SCRIB: variants seen among roughly 807,000 people sequenced by gnomAD.
SCRIB encodes scribble planar cell polarity protein.
A neutral mutation model predicts 170.0 loss-of-function variants in SCRIB; 72 were observed. The observed-to-expected ratio is 0.42, with a 90% confidence interval of 0.35 to 0.52. SCRIB has a LOEUF of 0.52. Among genes scored for constraint, SCRIB ranks in the 20% least tolerant of loss-of-function variants. The pLI is 0.02. For synonymous variants in SCRIB, 1,298 were observed against 1,044.3 expected (o/e 1.24, Z -4.68); for missense variants, 2,475 against 2,338.5 (o/e 1.06, Z -1.20).
chr8:143,797,438 C>T (rs1177915750), intron 24 of SCRIB, among the ~76,000 whole-genome samples: 5 of 152,150 alleles, frequency 3.3e-5, no homozygotes, highest in East Asian at 1.9e-4. Flanking sequence ...CCAACCACCT[C>T]GGGGCCCGCT....
At position 143,807,535 on chromosome 8, in the gene SCRIB, G is replaced by C. The variant is rs1273915839; in HGVS notation, c.2178+17C>G. 2.5e-6 allele frequency: 4 copies of C among 1,609,288 alleles called. No individual in the cohort carries two copies. The highest frequency in any genetic ancestry group is 1.1e-5 in the South Asian group (1 of 90,984). ...CCAGCAGCGGCCCGGCCAGAGTGCA[G>C]AGCGAGCAGTACAGACCTCTTCCTC... On this transcript the variant is annotated intron_variant, in intron 16 of 36. Transcript: ENST00000356994.
chr8:143,815,269 C>T lies in SCRIB; in HGVS notation c.104G>A (p.Ser35Asn), dbSNP rs550203905. The T allele has an allele frequency of 7.5e-6, 12 of 1,597,312 alleles. No individual in the cohort carries two copies. The highest frequency in any genetic ancestry group is 1.7e-4 in the Middle Eastern group (1 of 5,956). Residue 35 changes from serine (S) to asparagine (N), a missense_variant, in exon 1 of 37, where the codon AGC (serine) becomes AAC (asparagine). Around this residue, in one of 3 missense-constraint regions of SCRIB, gnomAD observed 487 missense variants for 558.1 expected, o/e 0.87. Transcript: ENST00000356994. ...QAVPEEIYRYSRSLEELLLDA... is the reference protein window; with the variant it reads ...QAVPEEIYRYNRSLEELLLDA... ...GAGCAGCAGCTCCTCCAGGCTGCGG[C>T]TGTAGCGGTAGATCTCCTCCGGCAC...
chr8:143,811,764 C>A (rs1213672992), intron 9 of SCRIB, among the ~76,000 whole-genome samples: 1 of 152,126 alleles, frequency 6.6e-6, no homozygotes, highest in Non-Finnish European at 1.5e-5. Flanking sequence ...CCCAGAGTCC[C>A]TTTCTCCATC....
chr8:143,812,938 C>A lies in SCRIB; in HGVS notation c.666G>T (p.Leu222=), dbSNP rs948189315. 10 of 1,612,712 alleles carry A rather than the reference C, an allele frequency of 6.2e-6. No individual in the cohort carries two copies. The highest frequency in any genetic ancestry group is 1.3e-5 in the African/African-American group (1 of 74,946). Residue 222 remains leucine (L), a synonymous_variant, in exon 8 of 37, where the codon CTG becomes CTT. Transcript: ENST00000356994. The stretch of plus-strand genomic sequence containing the variant: ...GGTTTTCCGACACGTCCAGGCACAC[C>A]AGGCGCCGCAGGTTCCCGAGCTCCT... ...LPPELGNLRR[L]VCLDVSENRL... is the part of the protein sequence containing the mutation.
rs1554635371 is a variant in SCRIB at position 143,803,386 on chromosome 8, C to T, written c.3600G>A (p.Leu1200=). ...TCCCCGGGGCGGGATCGCTAACCTC[C>T]AGGGCTGCGTCGGTGCTGGCCTCAA... ...DGFEASTDAA[L]EVSPGVIANP... is the part of the protein sequence containing the mutation. Residue 1200 remains leucine (L), a synonymous_variant, in exon 24 of 37, where the codon CTG becomes CTA. Coordinates refer to ENST00000356994, the MANE Select transcript of SCRIB (RefSeq NM_182706.5). 8 of 1,572,466 alleles carry T rather than the reference C, an allele frequency of 5.1e-6. No homozygotes were observed. The East Asian group carries it at 6.9e-5, about 14-fold the overall frequency.
chr8:143,791,606 T>C, intron 35 of SCRIB, 60 bp downstream of exon 35: 3 of 1,515,616 alleles, frequency 2.0e-6, no homozygotes, highest in East Asian at 2.3e-5. Context: ...CGGGAGCGGA[T>C]GGGGGCGGTG....
chr8:143,806,816 C>A, intron 17 of SCRIB, 108 bp downstream of exon 17: 3 of 836,110 alleles, frequency 3.6e-6, no homozygotes, highest in Non-Finnish European at 3.7e-6. Context: ...CAGCCCGTGT[C>A]CCCAGAGCGT....
At chr8:143,812,765 T>A in intron 8 of SCRIB, 52 bp downstream of exon 8, 3 of 1,581,370 alleles carry the variant, frequency 1.9e-6, no homozygotes, top group Non-Finnish European at 2.6e-6. Context: ...CCCACGCTCC[T>A]CCCAGGGCCA....
intron 24 of SCRIB, among the ~76,000 whole-genome samples, chr8:143,797,673 A>G (rs1587514399): frequency 6.6e-6 from 1 of 152,234 alleles, no homozygotes; most frequent in East Asian, 1.9e-4. Context: ...CACACGCTGA[A>G]GCCTGTGAGG....
rs782167781 is a variant in SCRIB, at chr8:143,804,058, C to T, written c.3108G>A (p.Val1036=). The part of the protein sequence containing the change: ...SHPFGVQEPG[V]FISKVLPRGL... ...TGGGCCGCCCTACCTTGGAGATGAA[C>T]ACACCAGGCTCCTGGACACCAAACG... Residue 1036 remains valine, a synonymous_variant, in exon 22 of 37, where the codon GTG becomes GTA. Coordinates refer to ENST00000356994, the MANE Select transcript of SCRIB (RefSeq NM_182706.5). 3.0e-5 allele frequency: 48 copies of T among 1,609,258 alleles called. No homozygotes were observed. In the East Asian group the frequency reaches 1.1e-3, roughly 35 times the overall value.
chr8:143,803,780 G>T lies in SCRIB; in HGVS notation c.3281C>A (p.Ala1094Glu). 6.2e-7 allele frequency: 1 copy of T among 1,602,394 alleles called. No individual in the cohort carries two copies. The stretch of plus-strand genomic sequence containing the variant: ...GCACAGTTCCCGTAGGCCCGGGGGT[G>T]CCGGGTCCCTCCGCACCAGCAGCGA... ...ELSLLVRRDP[A>E]PPGLRELCIQ... is the part of the protein sequence containing the mutation. The change falls in exon 23 of 37, where the codon GCA becomes GAA. Residue 1094 changes from alanine to glutamate, a missense_variant. Ala to Glu is a moderately radical substitution (Grantham distance 107, BLOSUM62 -1). Coordinates refer to ENST00000356994, the MANE Select transcript of SCRIB (RefSeq NM_182706.5).
chr8:143,792,299 G>A lies in SCRIB; in HGVS notation c.4435C>T (p.Pro1479Ser). 1 of 1,560,018 alleles carries A rather than the reference G, an allele frequency of 6.4e-7. No individual in the cohort carries two copies. The change falls in exon 32 of 37, where the codon CCG (proline) becomes TCG (serine). Residue 1479 changes from proline (P) to serine (S), a missense_variant. Coordinates refer to ENST00000356994, the MANE Select transcript of SCRIB (RefSeq NM_182706.5). ...GGGGACAGGGCACGCTCGGGTGCCG[G>A]TGGCTCCGGACTCTGCACGCGCAGC... is the stretch of plus-strand genomic sequence containing the variant. ...ERLRVQSPEP[P>S]APERALSPAE...
intron 24 of SCRIB, among the ~76,000 whole-genome samples, chr8:143,796,009 C>T (rs1458572362): frequency 3.3e-5 from 5 of 152,076 alleles, no homozygotes; most frequent in Admixed American, 2.0e-4. Context: ...GAGGCCCGGC[C>T]AGCTCTGCAC....
At chr8:143,814,552 G>A (rs1296318847) in intron 1 of SCRIB, among the ~76,000 whole-genome samples, 3 of 152,250 alleles carry the variant, frequency 2.0e-5, no homozygotes, top group East Asian at 1.9e-4. Context: ...AGTACCACAG[G>A]CACAGTGCTA....
chr8:143,812,986 C>A (rs950101456), intron 7 of SCRIB, 25 bp from the exon 8 acceptor site: 6 of 1,611,820 alleles, frequency 3.7e-6, no homozygotes, highest in East Asian at 2.2e-5. Context: ...AGAGTCAGAG[C>A]GCGGATGGGC....
intron 24 of SCRIB, 133 bp from the exon 25 acceptor site, chr8:143,795,663 G>A (rs530505155): frequency 1.7e-4 from 129 of 772,264 alleles, no homozygotes; most frequent in East Asian, 1.3e-3. Context: ...AGGGCTGACC[G>A]CGTGGCTGGG....
Position 143,793,967 on chromosome 8 carries a change from A to C in SCRIB, c.3847-5T>G, listed in dbSNP as rs782267401. 6.2e-7 allele frequency: 1 copy of C among 1,611,964 alleles called. No homozygotes were observed. The highest frequency in any genetic ancestry group is 8.5e-7 in the Non-Finnish European group (1 of 1,178,872). ...TCCAGCTGCTCCAGACGGTACCTGG[A>C]GGAGTAGGCAGTGGGTGGGGTGAGG... On this transcript the variant is annotated splice_polypyrimidine_tract_variant and splice_region_variant and intron_variant, in intron 27 of 36. Coordinates refer to ENST00000356994, the MANE Select transcript of SCRIB (RefSeq NM_182706.5).
intron 24 of SCRIB, among the ~76,000 whole-genome samples, chr8:143,796,251 C>T (rs1396499685): frequency 2.0e-5 from 3 of 152,116 alleles, no homozygotes; most frequent in Non-Finnish European, 4.4e-5. Context: ...CGGCGGGCAA[C>T]GGGACTGCTT....
chr8:143,813,092 CCA>C lies in SCRIB; in HGVS notation c.578_579del (p.Leu193ArgfsTer12). The C allele has an allele frequency of 6.3e-7, 1 of 1,579,336 alleles. No homozygotes were observed. The highest frequency in any genetic ancestry group is 8.6e-7 in the Non-Finnish European group (1 of 1,161,080). ...AGCTCCCGAAGATTGGGCAGAGCCC[CCA>C]GAGTGTCTGGCTGCAAGAAGGAACA... ...GNDLEVLPDT[L>X]GALPNLRELW... On this transcript the variant is annotated frameshift_variant, in exon 7 of 37. Transcript: ENST00000356994. LOFTEE classifies it high-confidence loss of function.
Sources: gnomAD v4.1 joint callset for allele counts (sites outside exome capture counted in the v4.1 genomes callset) on GRCh38, gnomAD v4.1.1 for gene constraint, gnomAD v4.1.1 regional missense constraint, MANE v1.5 for transcripts, NCBI Gene and HGNC (gene_info 2026-07-23, HGNC 2026-07-21) for gene names.